COLGALT2: variants seen among roughly 807,000 people sequenced by gnomAD.
COLGALT2 encodes the protein procollagen galactosyltransferase 2.
Under a neutral mutation model 73.4 loss-of-function variants are expected in COLGALT2, and 49 were observed. The observed-to-expected ratio is 0.67, with a 90% CI of 0.53 to 0.85. The LOEUF (loss-of-function observed/expected upper bound fraction) is 0.85, where lower values mean the gene tolerates loss of function less well. COLGALT2 is among the 40% of genes least tolerant of loss of function. The probability of loss-of-function intolerance (pLI) is 0.00; values close to 1 mark genes in which losing one functional copy is unlikely to be tolerated. For synonymous variants in COLGALT2, 295 were observed against 307.6 expected (o/e 0.96, Z 0.43); for missense variants, 722 against 790.2 (o/e 0.91, Z 1.03).
At chr1:183,981,842 C>A (rs1671360728) in intron 1 of COLGALT2, among the ~76,000 whole-genome samples, 1 of 152,032 alleles carries the variant, frequency 6.6e-6, no homozygotes, top group African/African-American at 2.4e-5. Context: ...CATTGTTAAG[C>A]AAAGCACAGT....
At chr1:184,015,381 C>A (rs1648966344) in intron 1 of COLGALT2, among the ~76,000 whole-genome samples, 1 of 152,172 alleles carries the variant, frequency 6.6e-6, no homozygotes, top group Non-Finnish European at 1.5e-5. Flanking sequence ...CATCTCATTG[C>A]CCCCAGGCTC....
chr1:184,036,569 C>A (rs1394421937), intron 1 of COLGALT2, among the ~76,000 whole-genome samples: 2 of 152,190 alleles, frequency 1.3e-5, no homozygotes, highest in Non-Finnish European at 1.5e-5. Flanking sequence ...CATTTCCAGC[C>A]TGGAGCAGGA....
chr1:184,030,054 G>C (rs1223753917), intron 1 of COLGALT2, among the ~76,000 whole-genome samples: 32 of 152,164 alleles, frequency 2.1e-4, no homozygotes, highest in Non-Finnish European at 7.4e-5. Flanking sequence ...GTAGATGGGA[G>C]ATTTACTTTT....
chr1:183,969,303 G>A lies in COLGALT2; in HGVS notation c.798C>T (p.Asp266=). 6.2e-7 allele frequency: 1 copy of A among 1,613,274 alleles called. No individual in the cohort carries two copies. ...TGCTGGAGAAGGCAAAGACAATGAT[G>A]TCATCAAAGGTCCAGGTGTAGTCCT... ...PHQDYTWTFD[D]IIVFAFSSRQ... Residue 266 remains aspartate, a synonymous_variant, in exon 5 of 12, where the codon GAC becomes GAT. Transcript: ENST00000361927.
intron 8 of COLGALT2, among the ~76,000 whole-genome samples, chr1:183,948,097 A>G (rs1346799485): frequency 1.3e-5 from 2 of 152,118 alleles, no homozygotes; most frequent in Non-Finnish European, 2.9e-5. Context: ...GTAATAAAAA[A>G]AATTTCCATA....
chr1:184,032,265 A>C (rs1160114449), intron 1 of COLGALT2, among the ~76,000 whole-genome samples: 4 of 152,216 alleles, frequency 2.6e-5, no homozygotes, highest in Admixed American at 2.6e-4. Context: ...TTCCATTTGA[A>C]GATTTTTTAA....
chr1:183,930,824 T>G (rs1669830314), intron 11 of COLGALT2, among the ~76,000 whole-genome samples: 2 of 152,118 alleles, frequency 1.3e-5, no homozygotes, highest in South Asian at 4.1e-4. Context: ...TTTACAGATG[T>G]AGTTGTAAGT....
intron 1 of COLGALT2, among the ~76,000 whole-genome samples, chr1:184,035,853 C>T (rs1322340498): frequency 6.6e-6 from 1 of 152,204 alleles, no homozygotes; most frequent in Non-Finnish European, 1.5e-5. Context: ...CCTTCTCCGC[C>T]AGGCGGTCAC....
chr1:184,034,494 A>G (rs1649611895), intron 1 of COLGALT2, among the ~76,000 whole-genome samples: 1 of 152,034 alleles, frequency 6.6e-6, no homozygotes, highest in Admixed American at 6.5e-5. Context: ...CATTCAGATC[A>G]CCTTACACTG....
In COLGALT2 at chr1:183,938,065, C is replaced by A. The variant is rs1372321105; in HGVS notation, c.*696G>T. On this transcript the variant is annotated 3_prime_UTR_variant, in exon 12 of 12. Coordinates refer to ENST00000361927, the MANE Select transcript of COLGALT2 (RefSeq NM_015101.4). ...TCCCTCAAATACCTACACAAACTGT[C>A]AAATATCTACTAAATTATATCCACA... 2 of 985,290 alleles carry A rather than the reference C, an allele frequency of 2.0e-6. No homozygotes were observed. Among genetic ancestry groups the A allele is most frequent in the African/African-American group, 3.5e-5 (2 of 57,200 alleles). 61.0% of individuals were successfully genotyped at this position (985,290 alleles called of 1,614,324 possible).
At chr1:183,942,109 C>T (rs574769141) in intron 10 of COLGALT2, among the ~76,000 whole-genome samples, 7 of 152,102 alleles carry the variant, frequency 4.6e-5, no homozygotes, top group Admixed American at 2.0e-4. Context: ...CCACCATGCC[C>T]GGCTAATTTT....
At chr1:184,022,608 CTG>C (rs1558341205) in intron 1 of COLGALT2, among the ~76,000 whole-genome samples, 1 of 152,160 alleles carries the variant, frequency 6.6e-6, no homozygotes, top group African/African-American at 2.4e-5. Flanking sequence ...ATAAGGGAAA[CTG>C]TTGCTTTCTG....
chr1:183,962,905 A>T (rs1670753825), intron 6 of COLGALT2, among the ~76,000 whole-genome samples: 1 of 152,206 alleles, frequency 6.6e-6, no homozygotes, highest in South Asian at 2.1e-4. Context: ...CTTATACATC[A>T]GAGCCTCTTG....
At chr1:183,979,570 C>A (rs1211590144) in intron 1 of COLGALT2, among the ~76,000 whole-genome samples, 3 of 152,082 alleles carry the variant, frequency 2.0e-5, no homozygotes, top group African/African-American at 7.2e-5. Flanking sequence ...CTTAACTCTG[C>A]CATGGTAGTG....
downstream of COLGALT2, among the ~76,000 whole-genome samples, chr1:183,932,941 A>G (rs968455553): frequency 1.4e-4 from 22 of 152,212 alleles, no homozygotes; most frequent in African/African-American, 5.3e-4. Context: ...TCTTTCCTAC[A>G]GGAAGGGGTT....
intron 7 of COLGALT2, 35 bp from the exon 8 acceptor site, chr1:183,951,148 A>G: frequency 6.9e-7 from 1 of 1,452,450 alleles, no homozygotes; most frequent in Non-Finnish European, 9.7e-7. Flanking sequence ...AGACACATAA[A>G]TTACTCAAGT....
At chr1:183,945,625 G>A (rs772013940) in intron 8 of COLGALT2, 61 bp from the exon 9 acceptor site, 8 of 1,588,634 alleles carry the variant, frequency 5.0e-6, no homozygotes, top group Non-Finnish European at 6.9e-6. Flanking sequence ...ACAAAGGCCA[G>A]AGAAAGAGAG....
rs1670190159 is a variant in COLGALT2, at chr1:183,944,275, G to A, written c.1318C>T (p.Arg440Cys). ...TTCTTCTTAAACTGATGCTCAAAACGCACATCGTCTTCAATTACAAGAGTC... is the reference window on the plus strand; with the variant it reads ...TTCTTCTTAAACTGATGCTCAAAACACACATCGTCTTCAATTACAAGAGTC... ...EKTLVIEDDV[R>C]FEHQFKKKLM... The change falls in exon 10 of 12, where the codon CGT (arginine) becomes TGT (cysteine). Residue 440 changes from arginine to cysteine, a missense_variant. Coordinates refer to ENST00000361927, the MANE Select transcript of COLGALT2 (RefSeq NM_015101.4). 4 of 1,613,784 alleles carry A rather than the reference G, an allele frequency of 2.5e-6. No individual in the cohort carries two copies. Among genetic ancestry groups the A allele is most frequent in the Middle Eastern group, 1.7e-4 (1 of 6,058 alleles).
At chr1:183,962,045 A>C (rs1041596523) in intron 6 of COLGALT2, among the ~76,000 whole-genome samples, 2 of 152,020 alleles carry the variant, frequency 1.3e-5, no homozygotes, top group Non-Finnish European at 2.9e-5. Context: ...ATGAAAAAGG[A>C]ATTTATAGTG....
Sources: allele counts gnomAD v4.1 joint callset (sites outside exome capture counted in the v4.1 genomes callset), GRCh38; gene constraint gnomAD v4.1.1; transcripts MANE v1.5; gene names NCBI Gene and HGNC (gene_info 2026-07-23, HGNC 2026-07-21).